FRMPD4: variants seen among roughly 807,000 people sequenced by gnomAD.
The protein encoded by FRMPD4 is FERM and PDZ domain containing 4.
In FRMPD4, 22 loss-of-function variants were observed where a neutral mutation model predicts 94.1. The ratio of observed to expected loss-of-function variants is 0.23; its 90% CI spans 0.17 to 0.33. FRMPD4 has a LOEUF of 0.33. Ranked by LOEUF, FRMPD4 falls within the 10% of genes least tolerant of loss-of-function variation. The pLI, the probability that FRMPD4 is intolerant of heterozygous loss-of-function variation, is 1.00. For missense variants in FRMPD4, 1,111 were observed against 1,339.9 expected, an observed-to-expected ratio of 0.83 and a Z score of 2.67; for synonymous variants, 631 against 548.6, an observed-to-expected ratio of 1.15 and a Z score of -2.10.
intron 9 of FRMPD4, among the ~76,000 whole-genome samples, chrX:12,699,727 G>C (rs183593603): frequency 8.9e-6 from 1 of 112,849 alleles, no homozygotes; most frequent in East Asian, 2.8e-4. Flanking sequence ...AAATGAATTA[G>C]AGAAAAGGCA....
At chrX:12,356,135 G>A (rs746826840) in intron 1 of FRMPD4, among the ~76,000 whole-genome samples, 121 of 111,319 alleles carry the variant, frequency 1.1e-3, no homozygotes, top group African/African-American at 3.5e-3. Flanking sequence ...CCTCACATTC[G>A]GAAAACGAAG....
At chrX:12,140,507 G>C (rs186869759) in intron 1 of FRMPD4, among the ~76,000 whole-genome samples, 10 of 112,199 alleles carry the variant, frequency 8.9e-5, no homozygotes, top group Non-Finnish European at 1.5e-4. Context: ...ACCATGGTTG[G>C]GAAGCAGCTG....
intron 3 of FRMPD4, among the ~76,000 whole-genome samples, chrX:11,966,368 A>T (rs1440240554): frequency 9.0e-6 from 1 of 111,714 alleles, no homozygotes; most frequent in East Asian, 2.8e-4. Flanking sequence ...CAGCAAGAAG[A>T]TGCCATCTTT....
intron 2 of FRMPD4, among the ~76,000 whole-genome samples, chrX:12,534,742 C>T (rs748601503): frequency 8.9e-6 from 1 of 112,552 alleles, no homozygotes; most frequent in Non-Finnish European, 1.9e-5. Flanking sequence ...CTATATTTAC[C>T]CAATGCCTGT....
intron 2 of FRMPD4, among the ~76,000 whole-genome samples, chrX:12,532,263 A>C (rs938800156): frequency 1.8e-5 from 2 of 111,785 alleles, no homozygotes; most frequent in Non-Finnish European, 3.8e-5. Context: ...AATTTAGATG[A>C]TCTCTATGGT....
Position 11,853,845 on chromosome X carries a change from T to TGAG in FRMPD4, c.-160-11230_-160-11228dup, listed in dbSNP as rs769077685. Reference sequence around the variant, plus strand: ...TCCTACTGAAACTATTCCAAACAATTGAGGAGGAGGAGGGACTCCTTTCTA... The same window carrying TGAG: ...TCCTACTGAAACTATTCCAAACAATTGAGGAGGAGGAGGAGGGACTCCTTTCTA... On this transcript the variant is annotated intron_variant, in intron 1 of 18. Coordinates refer to the FRMPD4 transcript ENST00000640291. Among the ~76,000 whole-genome samples, 3 of 111,804 alleles carry TGAG rather than the reference T, an allele frequency of 2.7e-5. No individual in the cohort carries two copies. The East Asian group carries it at 8.4e-4, about 31-fold the overall frequency.
chrX:12,174,011 C>T (rs1387680047), intron 1 of FRMPD4, among the ~76,000 whole-genome samples: 1 of 111,642 alleles, frequency 9.0e-6, no homozygotes, highest in Non-Finnish European at 1.9e-5. Context: ...GCCTCCCTCC[C>T]TTCTCCCTCA....
intron 3 of FRMPD4, among the ~76,000 whole-genome samples, chrX:11,968,332 G>A (rs936510564): frequency 1.5e-4 from 17 of 111,519 alleles, no homozygotes; most frequent in African/African-American, 5.5e-4. Flanking sequence ...AGACAACTAA[G>A]TGTCATACCA....
intron 1 of FRMPD4, among the ~76,000 whole-genome samples, chrX:12,305,177 G>A (rs192118092): frequency 8.0e-5 from 9 of 112,277 alleles, no homozygotes; most frequent in African/African-American, 2.6e-4. Flanking sequence ...GTAGATAGAG[G>A]ACAGGGGAGA....
intron 14 of FRMPD4, among the ~76,000 whole-genome samples, chrX:12,712,442 G>A (rs1014164230): frequency 1.2e-4 from 13 of 110,819 alleles, no homozygotes; most frequent in African/African-American, 3.9e-4. Flanking sequence ...CTAGCTACAC[G>A]GGAGGCTGAG....
At chrX:11,897,346 T>C (rs1186668316) in intron 3 of FRMPD4, among the ~76,000 whole-genome samples, 1 of 110,745 alleles carries the variant, frequency 9.0e-6, no homozygotes, top group Non-Finnish European at 1.9e-5. Flanking sequence ...TTAGGGGTGA[T>C]AATGGTCCTT....
At chrX:11,963,433 G>A (rs1417283446) in intron 3 of FRMPD4, among the ~76,000 whole-genome samples, 1 of 112,359 alleles carries the variant, frequency 8.9e-6, no homozygotes, top group Non-Finnish European at 1.9e-5. Context: ...ATCCTAAACA[G>A]ACCAGGCACA....
chrX:12,119,328 T>G (rs1424433961), intron 3 of FRMPD4, among the ~76,000 whole-genome samples: 2 of 112,037 alleles, frequency 1.8e-5, no homozygotes, highest in African/African-American at 6.5e-5. Context: ...TTCTTCCAAT[T>G]TCAGTGGCCC....
At chrX:11,851,387 A>G (rs771779477) in intron 1 of FRMPD4, among the ~76,000 whole-genome samples, 2 of 111,469 alleles carry the variant, frequency 1.8e-5, no homozygotes, top group Admixed American at 1.9e-4. Context: ...AAGAGTAAAC[A>G]AAAGGAATAA....
chrX:12,193,829 G>GGAAGGAA, intron 1 of FRMPD4, among the ~76,000 whole-genome samples: 1 of 24,806 alleles, frequency 4.0e-5, no homozygotes, highest in African/African-American at 1.7e-4. Context: ...GAAGGAAGGA[G>GGAAGGAA]GGAAGGAAGA....
chrX:12,319,797 G>T (rs973891231), intron 1 of FRMPD4, among the ~76,000 whole-genome samples: 27 of 111,998 alleles, frequency 2.4e-4, no homozygotes, highest in Non-Finnish European at 9.4e-5. Flanking sequence ...TATGGTTTCA[G>T]TGCTTTCCTT....
At chrX:12,624,209 G>A (rs1245429357) in intron 4 of FRMPD4, among the ~76,000 whole-genome samples, 5 of 112,263 alleles carry the variant, frequency 4.5e-5, no homozygotes, top group South Asian at 3.7e-4. Context: ...TCACTGGTAA[G>A]GGAACTACAT....
chrX:11,993,757 T>C (rs181752240), intron 3 of FRMPD4, among the ~76,000 whole-genome samples: 7 of 112,068 alleles, frequency 6.2e-5, no homozygotes, highest in African/African-American at 1.9e-4. Context: ...CTGCATTAAT[T>C]TCAAGAGCTA....
At chrX:11,892,581 G>A (rs755849024) in intron 3 of FRMPD4, among the ~76,000 whole-genome samples, 8 of 112,015 alleles carry the variant, frequency 7.1e-5, no homozygotes, top group South Asian at 3.7e-4. Context: ...AAAATCTGCC[G>A]GACAGGAAAT....
Sources: gnomAD v4.1 joint callset for allele counts (sites outside exome capture counted in the v4.1 genomes callset) on GRCh38, gnomAD v4.1.1 for gene constraint, MANE v1.5 for transcripts, NCBI Gene and HGNC (gene_info 2026-07-23, HGNC 2026-07-21) for gene names.